The following SPIRE2 variants were observed in gnomAD, a reference collection of about 807,000 sequenced individuals.
SPIRE2 encodes spire type actin nucleation factor 2.
A neutral mutation model predicts 80.7 loss-of-function variants in SPIRE2; 76 were observed. The ratio of observed to expected loss-of-function variants is 0.94; its 90% CI spans 0.78 to 1.14. SPIRE2 has a LOEUF of 1.14. SPIRE2 is among the 50% of genes most tolerant of loss of function. The pLI is 0.00. For synonymous variants in SPIRE2, 535 were observed against 432.6 expected (o/e 1.24, Z -2.94); for missense variants, 1,196 against 1,015.3 (o/e 1.18, Z -2.42).
chr16:89,844,636 C>T (rs979063870), intron 1 of SPIRE2, among the ~76,000 whole-genome samples: 9 of 152,132 alleles, frequency 5.9e-5, no homozygotes, highest in Non-Finnish European at 1.2e-4. Flanking sequence ...GACGGGGTTT[C>T]ACCGTGTTAG....
intron 1 of SPIRE2, among the ~76,000 whole-genome samples, chr16:89,841,213 A>T (rs931978755): frequency 1.3e-5 from 2 of 151,126 alleles, no homozygotes; most frequent in Non-Finnish European, 2.9e-5. Context: ...AAAGAAACTC[A>T]GGTGGCTTTT....
At position 89,868,188 on chromosome 16, in the gene SPIRE2, G is replaced by A. The variant is rs780271126; in HGVS notation, c.1779-1G>A. 2 of 1,613,958 alleles carry A rather than the reference G, an allele frequency of 1.2e-6. No homozygotes were observed. The highest frequency in any genetic ancestry group is 1.3e-5 in the African/African-American group (1 of 74,904). ...GCTGCATTTCCTCTGTTCCCTTCCA[G>A]AGCCGTCTGCACTTCCTGTAGCATA... On this transcript the variant is annotated splice_acceptor_variant, in intron 12 of 14. Coordinates refer to ENST00000378247, the MANE Select transcript of SPIRE2 (RefSeq NM_032451.2). LOFTEE classifies it high-confidence loss of function.
Position 89,855,580 on chromosome 16 carries a change from A to G in SPIRE2, c.892-20A>G. 1 of 1,609,734 alleles carries G rather than the reference A, an allele frequency of 6.2e-7. No homozygotes were observed. Among genetic ancestry groups the G allele is most frequent in the Non-Finnish European group, 8.5e-7 (1 of 1,178,094 alleles). On this transcript the variant is annotated intron_variant, in intron 5 of 14. Coordinates refer to ENST00000378247, the MANE Select transcript of SPIRE2 (RefSeq NM_032451.2). ...GTGGATGGTCCCTGCAGGGCCTCAG[A>G]TCAGCCGTCCTCCCCGCAGGTGGAT...
At chr16:89,859,458 TC>T in intron 9 of SPIRE2, 104 bp downstream of exon 9, 1 of 665,958 alleles carries the variant, frequency 1.5e-6, no homozygotes, top group Non-Finnish European at 2.2e-6. Context: ...AGCAGGCAGC[TC>T]CCAGGGACCC....
intron 2 of SPIRE2, 102 bp from the exon 3 acceptor site, chr16:89,850,202 T>G: frequency 1.1e-6 from 1 of 931,460 alleles, no homozygotes; most frequent in Non-Finnish European, 1.7e-6. Flanking sequence ...CGACAGCTGC[T>G]GTCTCCCTGG....
At position 89,870,310 on chromosome 16, in the gene SPIRE2, A is replaced by T. The variant is rs1017217081; in HGVS notation, c.*38A>T. On this transcript the variant is annotated 3_prime_UTR_variant, in exon 15 of 15. Coordinates refer to ENST00000378247, the MANE Select transcript of SPIRE2 (RefSeq NM_032451.2). ...GCCAGGCCTCCAGGAGGCACCAGGC[A>T]GGCCCTGTATCAGGCTAGGACGCTC... 4 of 1,420,378 alleles carry T rather than the reference A, an allele frequency of 2.8e-6. No individual in the cohort carries two copies. The highest frequency in any genetic ancestry group is 3.9e-6 in the Non-Finnish European group (4 of 1,026,536). The allele number at this position is 1,420,378 out of a possible 1,614,324, so 88.0% of individuals were successfully genotyped here.
Position 89,863,951 on chromosome 16 carries a change from C to T in SPIRE2, c.1778+90C>T. 1 of 958,092 alleles carries T rather than the reference C, an allele frequency of 1.0e-6. No homozygotes were observed. 59.3% of individuals were successfully genotyped at this position (958,092 alleles called of 1,614,324 possible). ...CCGCCCACAGAACTTCCTGTGATTCCAGGAATGTTCTAGCATGTTCGATGG... is the reference window on the plus strand; with the variant it reads ...CCGCCCACAGAACTTCCTGTGATTCTAGGAATGTTCTAGCATGTTCGATGG... On this transcript the variant is annotated intron_variant, in intron 12 of 14. Coordinates refer to ENST00000378247, the MANE Select transcript of SPIRE2 (RefSeq NM_032451.2). The surrounding 1 kb of genome is among the most constrained non-coding windows in gnomAD (Gnocchi z 4.3).
chr16:89,836,485 T>C (rs913510539), intron 1 of SPIRE2: 3 of 301,462 alleles, frequency 1.0e-5, no homozygotes, highest in African/African-American at 6.5e-5. Flanking sequence ...TTTAATGCAT[T>C]TCAGGGAAGT....
At chr16:89,830,866 C>T (rs12444871) in intron 1 of SPIRE2, among the ~76,000 whole-genome samples, 20,346 of 149,798 alleles carry the variant, frequency 0.14, 3,042 homozygotes, top group East Asian at 0.63. Context: ...CTAGAAGAGA[C>T]TTCCTAATCT....
intron 12 of SPIRE2, among the ~76,000 whole-genome samples, chr16:89,866,002 T>C (rs2041786328): frequency 7.1e-6 from 1 of 140,208 alleles, no homozygotes; most frequent in Non-Finnish European, 1.5e-5. Flanking sequence ...AGGCTGGATA[T>C]GGTGGATATG....
chr16:89,850,697 G>T, intron 3 of SPIRE2, 37 bp downstream of exon 3: 1 of 1,172,962 alleles, frequency 8.5e-7, no homozygotes, highest in Non-Finnish European at 1.1e-6. Context: ...GAGGGTCCGG[G>T]AGGCCAGGGA....
intron 1 of SPIRE2, among the ~76,000 whole-genome samples, chr16:89,839,102 G>A (rs1346442541): frequency 2.0e-5 from 3 of 151,924 alleles, no homozygotes; most frequent in Non-Finnish European, 4.4e-5. Flanking sequence ...AGCACTTTGG[G>A]AGGCCAAGGC....
intron 5 of SPIRE2, 70 bp downstream of exon 5, chr16:89,854,721 G>T: frequency 6.4e-7 from 1 of 1,554,538 alleles, no homozygotes; most frequent in African/African-American, 1.4e-5. Flanking sequence ...ACGCAGATGA[G>T]CAGCCTGGAT....
intron 1 of SPIRE2, among the ~76,000 whole-genome samples, chr16:89,839,396 G>C (rs549960345): frequency 4.9e-4 from 73 of 147,834 alleles, no homozygotes; most frequent in Non-Finnish European, 7.7e-4. Context: ...AAAACTGTTA[G>C]GGATGTCATG....
chr16:89,853,150 A>G (rs138525383), intron 3 of SPIRE2, among the ~76,000 whole-genome samples: 7 of 152,210 alleles, frequency 4.6e-5, no homozygotes, highest in East Asian at 1.9e-4. Context: ...TGCTGCTCAG[A>G]TCAGTTTCTT....
Position 89,828,585 on chromosome 16 carries a change from C to G in SPIRE2, c.35C>G (p.Ala12Gly). 8.5e-7 allele frequency: 1 copy of G among 1,180,564 alleles called. No homozygotes were observed. The highest frequency in any genetic ancestry group is 4.2e-5 in the East Asian group (1 of 23,590). 73.1% of individuals were successfully genotyped at this position (1,180,564 alleles called of 1,614,324 possible). Residue 12 changes from alanine (A) to glycine (G), a missense_variant, in exon 1 of 15, where the codon GCG becomes GGG. Coordinates refer to ENST00000378247, the MANE Select transcript of SPIRE2 (RefSeq NM_032451.2). This position sits in a 1 kb window ranked among gnomAD's most constrained non-coding sequence, Gnocchi z 5.9. ...GCGGGCAGCTGCGGCGGCGCCGCGG[C>G]GGGCGCAGGGCGGCCGGAGCCCTGG... ...ARAGSCGGAA[A>G]GAGRPEPWEL...
At chr16:89,847,410 C>T (rs1567672497) in intron 2 of SPIRE2, among the ~76,000 whole-genome samples, 1 of 152,248 alleles carries the variant, frequency 6.6e-6, no homozygotes, top group Non-Finnish European at 1.5e-5. Flanking sequence ...GGGAGGCCGG[C>T]TGGCCCTGCT....
In SPIRE2 at chr16:89,867,093, CTT is replaced by C. The variant is rs200781238; in HGVS notation, c.1779-1094_1779-1093del. On this transcript the variant is annotated intron_variant, in intron 12 of 14. Coordinates refer to ENST00000378247, the MANE Select transcript of SPIRE2 (RefSeq NM_032451.2). Reference sequence around the variant, plus strand: ...TCTTCTTAGAAGGAATCTTAGATGTCTTTCCAAGACAGTGTGCAAGTTTTTTT... The same window carrying C: ...TCTTCTTAGAAGGAATCTTAGATGTCTCCAAGACAGTGTGCAAGTTTTTTT... 9.6e-3 allele frequency among the ~76,000 whole-genome samples: 1,460 copies of C among 152,012 alleles called. 31 individuals carry two copies. Among genetic ancestry groups the C allele is most frequent in the South Asian group, 0.087 (418 of 4,806 alleles).
chr16:89,863,572 C>T lies in SPIRE2; in HGVS notation c.1672C>T (p.Gln558Ter). 1 of 1,614,088 alleles carries T rather than the reference C, an allele frequency of 6.2e-7. No homozygotes were observed. The highest frequency in any genetic ancestry group is 1.3e-5 in the African/African-American group (1 of 75,058). The part of the protein sequence containing the change: ...LVKAEMEKFL[Q>*]NKELFSSLKK... ...GAAGGCCGAGATGGAAAAGTTTTTG[C>T]AGAACAAGGAGCTCTTCAGCAGTCT... The change falls in exon 11 of 15, where the codon CAG becomes TAG. Residue 558 changes from glutamine to a stop codon, truncating the protein, a stop_gained. Coordinates refer to ENST00000378247, the MANE Select transcript of SPIRE2 (RefSeq NM_032451.2). LOFTEE classifies it high-confidence loss of function. The surrounding 1 kb of genome is among the most constrained non-coding windows in gnomAD (Gnocchi z 4.3).
Sources: gnomAD v4.1 joint callset for allele counts (sites outside exome capture counted in the v4.1 genomes callset) on GRCh38, gnomAD v4.1.1 for gene constraint, Gnocchi (gnomAD v3.1) non-coding constraint, MANE v1.5 for transcripts, NCBI Gene and HGNC (gene_info 2026-07-23, HGNC 2026-07-21) for gene names.